Variants in FAM193A observed in about 807,000 individuals in gnomAD.
FAM193A encodes the protein protein FAM193A.
Under a neutral mutation model 126.5 loss-of-function variants are expected in FAM193A, and 22 were observed. The observed-to-expected ratio is 0.17, with a 90% confidence interval of 0.12 to 0.25. FAM193A has a LOEUF of 0.25. Among genes scored for constraint, FAM193A ranks in the 10% least tolerant of loss-of-function variants. The pLI, the probability that FAM193A is intolerant of heterozygous loss-of-function variation, is 1.00. For synonymous variants in FAM193A, 761 were observed against 646.8 expected (o/e 1.18, Z -2.68); for missense variants, 1,675 against 1,672.8 (o/e 1.00, Z -0.02).
At chr4:2,581,726 T>C (rs1739952228) in intron 1 of FAM193A, among the ~76,000 whole-genome samples, 2 of 151,996 alleles carry the variant, frequency 1.3e-5, no homozygotes, top group Non-Finnish European at 2.9e-5. Flanking sequence ...TGATCTAGGC[T>C]CACTGCAGGC....
At chr4:2,626,901 C>A (rs1177550837) in intron 4 of FAM193A, among the ~76,000 whole-genome samples, 2 of 152,146 alleles carry the variant, frequency 1.3e-5, no homozygotes, top group Non-Finnish European at 2.9e-5. Context: ...AGTACTTTTA[C>A]AAGCACTCTT....
intron 9 of FAM193A, 58 bp downstream of exon 9, chr4:2,659,728 T>C (rs2109104018): frequency 6.2e-7 from 1 of 1,612,018 alleles, no homozygotes; most frequent in East Asian, 2.2e-5. Flanking sequence ...CTGGGCTGAG[T>C]GGAGGCCTAG....
intron 1 of FAM193A, among the ~76,000 whole-genome samples, chr4:2,548,395 C>T (rs1297741674): frequency 6.6e-6 from 1 of 151,812 alleles, no homozygotes; most frequent in African/African-American, 2.4e-5. Context: ...TTTGAAAGTT[C>T]TCCATGATTC....
chr4:2,603,818 G>T (rs1228914070), intron 2 of FAM193A, among the ~76,000 whole-genome samples: 2 of 151,812 alleles, frequency 1.3e-5, no homozygotes, highest in Non-Finnish European at 1.5e-5. Flanking sequence ...GTACGTGTAA[G>T]TATCCAAACA....
At position 2,676,317 on chromosome 4, in the gene FAM193A, A is replaced by G. The variant is rs766888689; in HGVS notation, c.2331+3945A>G. 4.4e-4 allele frequency among the ~76,000 whole-genome samples: 67 copies of G among 152,216 alleles called. 1 individual carries two copies. Among genetic ancestry groups the G allele is most frequent in the Non-Finnish European group, 6.9e-4 (47 of 68,044 alleles). The stretch of plus-strand genomic sequence containing the variant: ...CTGTTTTGCTTTTTTAATAGTAACC[A>G]TCCTCAAGGATGTAAGGTGGTATCC... On this transcript the variant is annotated intron_variant, in intron 13 of 20. Transcript: ENST00000637812.
At chr4:2,619,073 T>C (rs1457535495) in intron 2 of FAM193A, among the ~76,000 whole-genome samples, 1 of 152,162 alleles carries the variant, frequency 6.6e-6, no homozygotes, top group African/African-American at 2.4e-5. Flanking sequence ...ATTGGTATTC[T>C]GATCTGCTTA....
At chr4:2,582,615 C>T (rs534740606) in intron 1 of FAM193A, among the ~76,000 whole-genome samples, 3 of 152,192 alleles carry the variant, frequency 2.0e-5, no homozygotes, top group African/African-American at 7.2e-5. Flanking sequence ...TTAACGTTCT[C>T]TGTGCTTCTT....
chr4:2,561,348 AT>A (rs1738601954), intron 1 of FAM193A, among the ~76,000 whole-genome samples: 1 of 151,306 alleles, frequency 6.6e-6, no homozygotes, highest in Non-Finnish European at 1.5e-5. Flanking sequence ...TGCCCGGCTA[AT>A]TTTTATATTT....
intron 10 of FAM193A, among the ~76,000 whole-genome samples, chr4:2,661,686 A>G (rs751083116): frequency 6.6e-6 from 1 of 152,148 alleles, no homozygotes; most frequent in Admixed American, 6.5e-5. Context: ...CTCTTCACTC[A>G]TTCTAGGAAG....
intron 2 of FAM193A, among the ~76,000 whole-genome samples, chr4:2,607,382 G>T (rs1325765717): frequency 6.6e-6 from 1 of 152,058 alleles, no homozygotes. Flanking sequence ...TTCCCTGTCA[G>T]TGTGAATGTC....
intron 1 of FAM193A, among the ~76,000 whole-genome samples, chr4:2,558,836 A>G (rs2108835641): frequency 6.6e-6 from 1 of 152,346 alleles, no homozygotes; most frequent in African/African-American, 2.4e-5. Context: ...CCCCGTCTCT[A>G]CTAAAAATAC....
At chr4:2,553,389 T>G (rs1166967960) in intron 1 of FAM193A, among the ~76,000 whole-genome samples, 1 of 150,002 alleles carries the variant, frequency 6.7e-6, no homozygotes, top group Non-Finnish European at 1.5e-5. Context: ...TTTGTTTTTT[T>G]TTTTTTTTTT....
rs1263128573 is a variant in FAM193A, at chr4:2,690,973, A to G, written c.2803+3A>G. ...ATCCAAGAGACCTCCTTCAGTAGGTAAGGCTTGAAGGCTCACTGGCCCTCG... is the reference window on the plus strand; with the variant it reads ...ATCCAAGAGACCTCCTTCAGTAGGTGAGGCTTGAAGGCTCACTGGCCCTCG... On this transcript the variant is annotated splice_donor_region_variant and intron_variant, in intron 15 of 20. Coordinates refer to ENST00000637812, the MANE Select transcript of FAM193A (RefSeq NM_001366318.2). The G allele has an allele frequency of 6.8e-6, 11 of 1,606,266 alleles. No homozygotes were observed. Among genetic ancestry groups the G allele is most frequent in the South Asian group, 1.1e-5 (1 of 90,444 alleles).
chr4:2,639,666 C>A, intron 5 of FAM193A, 69 bp from the exon 6 acceptor site: 1 of 1,356,172 alleles, frequency 7.4e-7, no homozygotes, highest in Non-Finnish European at 1.0e-6. Context: ...GAGGGAATCC[C>A]TCTGGGAATT....
chr4:2,646,254 C>A (rs531842568), intron 6 of FAM193A, among the ~76,000 whole-genome samples: 1 of 149,000 alleles, frequency 6.7e-6, no homozygotes, highest in East Asian at 2.0e-4. Context: ...ACTGCAACCT[C>A]CGCCTCCCGG....
intron 20 of FAM193A, among the ~76,000 whole-genome samples, chr4:2,725,661 T>A (rs1720662859): frequency 6.6e-6 from 1 of 151,712 alleles, no homozygotes; most frequent in African/African-American, 2.4e-5. Flanking sequence ...CAACAGTTTA[T>A]AGCCAATCAC....
chr4:2,664,721 G>C (rs1712908893), intron 12 of FAM193A, among the ~76,000 whole-genome samples: 1 of 151,676 alleles, frequency 6.6e-6, no homozygotes, highest in South Asian at 2.1e-4. Flanking sequence ...ACGCCACCAC[G>C]CCCGGCTAAT....
chr4:2,626,313 G>A, intron 3 of FAM193A, 97 bp from the exon 4 acceptor site: 1 of 637,164 alleles, frequency 1.6e-6, no homozygotes, highest in South Asian at 1.7e-5. Flanking sequence ...AGCTGGGCAA[G>A]GTGCAAGAGC....
intron 12 of FAM193A, among the ~76,000 whole-genome samples, chr4:2,667,470 TC>T (rs1354443521): frequency 1.3e-5 from 2 of 152,214 alleles, no homozygotes; most frequent in Non-Finnish European, 2.9e-5. Context: ...TTTCAATTCT[TC>T]CTTGTTTTGG....
Sources: allele counts gnomAD v4.1 joint callset (sites outside exome capture counted in the v4.1 genomes callset), GRCh38; gene constraint gnomAD v4.1.1; transcripts MANE v1.5; gene names NCBI Gene and HGNC (gene_info 2026-07-23, HGNC 2026-07-21).